The following RYR2 variants were observed in gnomAD, a reference collection of about 807,000 sequenced individuals.
The protein encoded by RYR2 is ryanodine receptor 2.
RYR2 carries 227 observed loss-of-function variants against 601.1 expected under a neutral mutation model. That is an observed-to-expected ratio of 0.38 (90% CI 0.34 to 0.42). The LOEUF (loss-of-function observed/expected upper bound fraction) is 0.42, where lower values mean the gene tolerates loss of function less well. Among genes scored for constraint, RYR2 ranks in the 10% least tolerant of loss-of-function variants. The pLI is 1.00. For synonymous variants in RYR2, 2,223 were observed against 2,175.1 expected (o/e 1.02, Z -0.61); for missense variants, 4,646 against 6,156.5 (o/e 0.75, Z 8.21).
At chr1:237,760,827 C>CATGTA in intron 83 of RYR2, 128 bp from the exon 84 acceptor site, 1 of 665,208 alleles carries the variant, frequency 1.5e-6, no homozygotes, top group Non-Finnish European at 2.7e-6. Context: ...TGAATGGAGA[C>CATGTA]ATGTTTTCAG....
chr1:237,634,990 A>G lies in RYR2; in HGVS notation c.6790A>G (p.Lys2264Glu). Reference sequence around the variant, plus strand: ...AGCTCTGCGTGAGCCGGATCTAGAAAAGGTGAGCAATGTTCCTGCCCTGTG... The same window carrying G: ...AGCTCTGCGTGAGCCGGATCTAGAAGAGGTGAGCAATGTTCCTGCCCTGTG... ...ALALREPDLE[K>E]VVRYLAGCGL... is the part of the protein sequence containing the mutation. The change falls in exon 44 of 105, where the codon AAG (lysine) becomes GAG (glutamate). Residue 2264 changes from lysine to glutamate, a missense_variant and splice_region_variant. By Grantham distance (56) the Lys-to-Glu change is moderately conservative. Transcript: ENST00000366574. 1 of 1,584,414 alleles carries G rather than the reference A, an allele frequency of 6.3e-7. No homozygotes were observed. Among genetic ancestry groups the G allele is most frequent in the South Asian group, 1.2e-5 (1 of 85,754 alleles).
chr1:237,294,177 A>T (rs886753768), intron 2 of RYR2, among the ~76,000 whole-genome samples: 13 of 152,184 alleles, frequency 8.5e-5, no homozygotes, highest in Non-Finnish European at 1.5e-4. Flanking sequence ...GTCGAGAAGG[A>T]TATTAGGAGC....
chr1:237,622,488 G>A (rs1454912861), intron 38 of RYR2, among the ~76,000 whole-genome samples: 1 of 152,150 alleles, frequency 6.6e-6, no homozygotes, highest in East Asian at 1.9e-4. Context: ...TGTAAGGTGT[G>A]TATGAAACAT....
At position 237,602,080 on chromosome 1, in the gene RYR2, A is replaced by G. The variant is rs185237690; in HGVS notation, c.4652A>G (p.Asn1551Ser). The change falls in exon 35 of 105, where the codon AAT (asparagine) becomes AGT (serine). Residue 1551 changes from asparagine (N) to serine (S), a missense_variant. Asn to Ser is a conservative substitution (Grantham distance 46, BLOSUM62 1). Transcript: ENST00000366574. ...GTTTTTGCACAAGCTACAAGTCCCA[A>G]TGTTTTCCAGTTTGAGTTGGGAAGA... Reference protein sequence around the residue: ...PAVFAQATSPNVFQFELGRIK... With the variant: ...PAVFAQATSPSVFQFELGRIK... 235 of 1,613,046 alleles carry G rather than the reference A, an allele frequency of 1.5e-4. 1 individual carries two copies. In the East Asian group the frequency reaches 4.5e-3, roughly 31 times the overall value.
intron 37 of RYR2, among the ~76,000 whole-genome samples, chr1:237,615,538 C>T (rs1678369585): frequency 6.6e-6 from 1 of 152,098 alleles, no homozygotes; most frequent in Admixed American, 6.5e-5. Flanking sequence ...TGTCTTTATG[C>T]TCCTCAAGAT....
intron 1 of RYR2, among the ~76,000 whole-genome samples, chr1:237,264,888 G>A (rs1174331344): frequency 6.6e-6 from 1 of 151,348 alleles, no homozygotes; most frequent in Non-Finnish European, 1.5e-5. Context: ...TTTTAGTAGA[G>A]ATGGGGTTTC....
chr1:237,298,184 C>T (rs138572081), intron 2 of RYR2, among the ~76,000 whole-genome samples: 1 of 152,146 alleles, frequency 6.6e-6, no homozygotes, highest in African/African-American at 2.4e-5. Flanking sequence ...ATTCATCACT[C>T]AACCATGGGT....
At chr1:237,093,654 T>C (rs1667206275) in intron 1 of RYR2, among the ~76,000 whole-genome samples, 1 of 152,092 alleles carries the variant, frequency 6.6e-6, no homozygotes. Flanking sequence ...GAAATAAGCA[T>C]TGAGCGGAGG....
At chr1:237,201,224 A>G (rs184717515) in intron 1 of RYR2, among the ~76,000 whole-genome samples, 61 of 152,342 alleles carry the variant, frequency 4.0e-4, no homozygotes, top group Middle Eastern at 3.4e-3. Context: ...TGAAGAAATC[A>G]ACGTCACCTG....
chr1:237,598,321 C>G (rs1676110285), intron 34 of RYR2, among the ~76,000 whole-genome samples: 1 of 152,192 alleles, frequency 6.6e-6, no homozygotes, highest in Non-Finnish European at 1.5e-5. Context: ...ACATACTAGA[C>G]ATTTACAGAA....
chr1:237,064,620 G>A (rs1663296870), intron 1 of RYR2, among the ~76,000 whole-genome samples: 1 of 151,966 alleles, frequency 6.6e-6, no homozygotes, highest in Non-Finnish European at 1.5e-5. Flanking sequence ...TAGCATCCAG[G>A]CACATCATTG....
chr1:237,705,141 T>G, intron 66 of RYR2, 72 bp from the exon 67 acceptor site: 1 of 1,340,380 alleles, frequency 7.5e-7, no homozygotes, highest in Non-Finnish European at 1.0e-6. Flanking sequence ...AGGTTAAATT[T>G]GCTAATTGTA....
In RYR2 at chr1:237,832,584, G is replaced by T. The variant is rs1252294768; in HGVS notation, c.14841G>T (p.Arg4947Ser). Residue 4947 changes from arginine (R) to serine (S), a missense_variant, in exon 105 of 105, where the codon AGG (arginine) becomes AGT (serine). Arg to Ser is a moderately radical substitution (Grantham distance 110). Coordinates refer to ENST00000366574, the MANE Select transcript of RYR2 (RefSeq NM_001035.3). ...ESYVWKMYQE[R>S]CWEFFPAGDC... is the part of the protein sequence containing the mutation. ...ATGTCTGGAAGATGTATCAAGAAAG[G>T]TGTTGGGAATTTTTCCCAGCAGGGG... The T allele has an allele frequency of 4.3e-6, 7 of 1,612,468 alleles. No individual in the cohort carries two copies. The highest frequency in any genetic ancestry group is 5.9e-6 in the Non-Finnish European group (7 of 1,178,766).
At chr1:237,051,216 TC>T (rs1265471126) in intron 1 of RYR2, among the ~76,000 whole-genome samples, 54 of 77,076 alleles carry the variant, frequency 7.0e-4, no homozygotes, top group South Asian at 2.8e-3. Context: ...TCCCTTTCTC[TC>T]CCCCCCCTTC....
intron 1 of RYR2, among the ~76,000 whole-genome samples, chr1:237,123,160 A>G (rs1230407104): frequency 6.6e-6 from 1 of 152,210 alleles, no homozygotes; most frequent in East Asian, 1.9e-4. Context: ...CACATTTTTC[A>G]TAGTGTTCCA....
intron 1 of RYR2, among the ~76,000 whole-genome samples, chr1:237,171,233 C>CA (rs58587774): frequency 0.36 from 51,567 of 141,408 alleles, 9,268 homozygotes; most frequent in East Asian, 0.55. Context: ...GACTCCATCT[C>CA]AAAAAAAAAA....
At chr1:237,107,519 C>CAAAAAAAAAAAAAAAAAAA (rs71561857) in intron 1 of RYR2, among the ~76,000 whole-genome samples, 11 of 38,908 alleles carry the variant, frequency 2.8e-4, no homozygotes, top group African/African-American at 6.4e-4. Flanking sequence ...GACTCCATCT[C>CAAAAAAAAAAAAAAAAAAA]AAAAAAAAAA....
At chr1:237,745,229 A>G (rs574988541) in intron 80 of RYR2, among the ~76,000 whole-genome samples, 2 of 152,196 alleles carry the variant, frequency 1.3e-5, no homozygotes, top group South Asian at 4.1e-4. Context: ...GATGGATATA[A>G]TGGTTAATGG....
rs565942727 is a variant in RYR2, at chr1:237,106,066, C to A, written c.48+63497C>A. ...AGTGGTGGGGAGGCCAGAGGGGCTG[C>A]GGGTGTGGGCCGGGCAGGTGGAGGA... On this transcript the variant is annotated intron_variant, in intron 1 of 104. Coordinates refer to ENST00000366574, the MANE Select transcript of RYR2 (RefSeq NM_001035.3). The surrounding 1 kb of genome is among the most constrained non-coding windows in gnomAD (Gnocchi z 4.4). Among the ~76,000 whole-genome samples, 4 of 151,764 alleles carry A rather than the reference C, an allele frequency of 2.6e-5. No individual in the cohort carries two copies. The highest frequency in any genetic ancestry group is 5.9e-5 in the Non-Finnish European group (4 of 67,964).
Sources: allele counts gnomAD v4.1 joint callset (sites outside exome capture counted in the v4.1 genomes callset), GRCh38; gene constraint gnomAD v4.1.1; non-coding constraint Gnocchi (gnomAD v3.1); transcripts MANE v1.5; gene names NCBI Gene and HGNC (gene_info 2026-07-23, HGNC 2026-07-21).